Variants in CCDC88A observed in about 807,000 individuals in gnomAD.
The protein encoded by CCDC88A is coiled-coil and HOOK domain protein 88A.
A neutral mutation model predicts 234.3 loss-of-function variants in CCDC88A; 54 were observed. That is an observed-to-expected ratio of 0.23 (90% CI 0.19 to 0.29). The LOEUF (loss-of-function observed/expected upper bound fraction) is 0.29, where lower values mean the gene tolerates loss of function less well. CCDC88A is among the 10% of genes least tolerant of loss of function. The probability of loss-of-function intolerance (pLI) is 1.00; values close to 1 mark genes in which losing one functional copy is unlikely to be tolerated. For synonymous variants in CCDC88A, 753 were observed against 737.8 expected (o/e 1.02, Z -0.33); for missense variants, 1,832 against 2,123.4 (o/e 0.86, Z 2.70).
At chr2:55,333,200 T>C (rs915447164) in intron 15 of CCDC88A, among the ~76,000 whole-genome samples, 1 of 152,196 alleles carries the variant, frequency 6.6e-6, no homozygotes, top group African/African-American at 2.4e-5. Flanking sequence ...TCCCTCTCAA[T>C]GCTTCTTTAG....
chr2:55,374,894 A>G lies in CCDC88A; in HGVS notation c.274-11T>C. On this transcript the variant is annotated splice_polypyrimidine_tract_variant and intron_variant, in intron 3 of 32. Coordinates refer to ENST00000436346, the MANE Select transcript of CCDC88A (RefSeq NM_001365480.1). ...TTGCTGCAAAGTCTCCTGTAAAAAAATATCCAACACTTGTTATATGGGTAA... is the reference window on the plus strand; with the variant it reads ...TTGCTGCAAAGTCTCCTGTAAAAAAGTATCCAACACTTGTTATATGGGTAA... 6.4e-7 allele frequency: 1 copy of G among 1,574,750 alleles called. No individual in the cohort carries two copies. The highest frequency in any genetic ancestry group is 8.7e-7 in the Non-Finnish European group (1 of 1,145,708).
intron 22 of CCDC88A, chr2:55,313,984 AAAGAAGTGG>A (rs1558650420): frequency 6.6e-6 from 1 of 152,174 alleles, no homozygotes; most frequent in African/African-American, 2.4e-5. Flanking sequence ...CTTTTCCCGT[AAAGAAGTGG>A]AATCTATTTT....
chr2:55,294,195 T>C, intron 31 of CCDC88A: 1 of 855,500 alleles, frequency 1.2e-6, no homozygotes, highest in Non-Finnish European at 1.4e-6. Context: ...GGTTTATTTC[T>C]CTTTGACTCT....
intron 2 of CCDC88A, among the ~76,000 whole-genome samples, chr2:55,416,059 C>T (rs1032628811): frequency 2.0e-5 from 3 of 150,786 alleles, no homozygotes; most frequent in South Asian, 2.1e-4. Flanking sequence ...ATCAATCAAC[C>T]GAAACCAACC....
Position 55,309,647 on chromosome 2 carries a change from C to A in CCDC88A, c.4080-393G>T, listed in dbSNP as rs1558643581. 6.6e-6 allele frequency among the ~76,000 whole-genome samples: 1 copy of A among 152,114 alleles called. No individual in the cohort carries two copies. On this transcript the variant is annotated intron_variant, in intron 23 of 32. Coordinates refer to ENST00000436346, the MANE Select transcript of CCDC88A (RefSeq NM_001365480.1). This position sits in a 1 kb window ranked among gnomAD's most constrained non-coding sequence, Gnocchi z 5.1. ...GAACCATTTCCTGACTCCAGCAATG[C>A]ATGAGTCATCGCATCCTAGTCTCAT...
At chr2:55,341,772 T>C (rs1668541007) in intron 12 of CCDC88A, among the ~76,000 whole-genome samples, 1 of 152,166 alleles carries the variant, frequency 6.6e-6, no homozygotes, top group African/African-American at 2.4e-5. Context: ...GACTGACAAA[T>C]ATTCCATTAT....
chr2:55,326,644 C>T (rs2104659674), intron 17 of CCDC88A, among the ~76,000 whole-genome samples: 1 of 152,216 alleles, frequency 6.6e-6, no homozygotes, highest in East Asian at 1.9e-4. Context: ...CTCACTGCAA[C>T]CTCTACCTCC....
In CCDC88A at chr2:55,296,516, T is replaced by G. The variant is rs752220368; in HGVS notation, c.4833A>C (p.Ala1611=). ...NASLHEVKAG[A]VNNQSRPQSH... ...TTTGTGGCCTGCTTTGGTTATTAAC[T>G]GCACCTGCTTTTGGAGTAAATGGGG... The change falls in exon 30 of 33, where the codon GCA becomes GCC. Residue 1611 remains alanine (A), a synonymous_variant. Transcript: ENST00000436346. The G allele has an allele frequency of 2.5e-6, 4 of 1,613,498 alleles. No individual in the cohort carries two copies. The highest frequency in any genetic ancestry group is 2.5e-6 in the Non-Finnish European group (3 of 1,179,728).
In CCDC88A at chr2:55,289,365, A is replaced by T. The variant is rs956364468; in HGVS notation, c.*1835T>A. The stretch of plus-strand genomic sequence containing the variant: ...TATGTTTACTTTTATCCACCTAAAA[A>T]TGAATGTACATTTTTTGACATGCAA... On this transcript the variant is annotated 3_prime_UTR_variant, in exon 33 of 33. Coordinates refer to ENST00000436346, the MANE Select transcript of CCDC88A (RefSeq NM_001365480.1). 6.6e-6 allele frequency: 1 copy of T among 152,624 alleles called. No homozygotes were observed. Among genetic ancestry groups the T allele is most frequent in the African/African-American group, 2.4e-5 (1 of 41,454 alleles). 9.5% of individuals were successfully genotyped at this position (152,624 alleles called of 1,614,324 possible).
chr2:55,412,674 G>C (rs748272025), intron 2 of CCDC88A, among the ~76,000 whole-genome samples: 1 of 152,134 alleles, frequency 6.6e-6, no homozygotes, highest in Non-Finnish European at 1.5e-5. Context: ...AGTCCTTGCT[G>C]CCAAAAAGGT....
At chr2:55,298,869 G>A (rs1362275575) in intron 29 of CCDC88A, among the ~76,000 whole-genome samples, 4 of 53,836 alleles carry the variant, frequency 7.4e-5, no homozygotes, top group East Asian at 1.3e-3. Flanking sequence ...GCGAGAACCC[G>A]TCTCAAAAAA....
intron 2 of CCDC88A, among the ~76,000 whole-genome samples, chr2:55,398,823 C>G (rs1459077268): frequency 3.3e-5 from 5 of 151,326 alleles, no homozygotes; most frequent in Admixed American, 2.0e-4. Flanking sequence ...TGTGATTATA[C>G]CATCGCACTC....
chr2:55,343,900 T>G (rs1056934437), intron 11 of CCDC88A, 108 bp from the exon 12 acceptor site: 19 of 924,490 alleles, frequency 2.1e-5, no homozygotes, highest in Middle Eastern at 7.0e-4. Context: ...TCAGTAATAA[T>G]TATGAGTTCT....
intron 2 of CCDC88A, among the ~76,000 whole-genome samples, chr2:55,400,027 C>T (rs2104938573): frequency 6.6e-6 from 1 of 152,196 alleles, no homozygotes; most frequent in Admixed American, 6.5e-5. Context: ...CTCCAGAATG[C>T]TCTAAAAAGA....
intron 7 of CCDC88A, among the ~76,000 whole-genome samples, chr2:55,361,570 T>C (rs979288099): frequency 6.6e-6 from 1 of 152,332 alleles, no homozygotes; most frequent in Non-Finnish European, 1.5e-5. Context: ...CTCAAGAGTA[T>C]TGATACAAAT....
chr2:55,296,149 A>AAT, intron 30 of CCDC88A, 93 bp from the exon 31 acceptor site: 1 of 1,299,156 alleles, frequency 7.7e-7, no homozygotes, highest in Non-Finnish European at 1.0e-6. Context: ...AAATTGTGGT[A>AAT]CCTCTTAATA....
intron 3 of CCDC88A, among the ~76,000 whole-genome samples, chr2:55,381,901 A>T (rs1456570766): frequency 6.6e-6 from 1 of 152,198 alleles, no homozygotes; most frequent in East Asian, 1.9e-4. Context: ...CACAGAAATG[A>T]CAGTCCCTCT....
intron 2 of CCDC88A, among the ~76,000 whole-genome samples, chr2:55,415,602 A>G (rs2105003752): frequency 6.6e-6 from 1 of 152,324 alleles, no homozygotes; most frequent in Non-Finnish European, 1.5e-5. Context: ...GTCTGGAGAC[A>G]GCAAGGTAGC....
chr2:55,310,534 T>C (rs1682216071), intron 23 of CCDC88A, among the ~76,000 whole-genome samples: 1 of 152,064 alleles, frequency 6.6e-6, no homozygotes, highest in South Asian at 2.1e-4. Flanking sequence ...TGAGCTGAGA[T>C]TGTGCTACTG....
Sources: gnomAD v4.1 joint callset for allele counts (sites outside exome capture counted in the v4.1 genomes callset) on GRCh38, gnomAD v4.1.1 for gene constraint, Gnocchi (gnomAD v3.1) non-coding constraint, MANE v1.5 for transcripts, NCBI Gene and HGNC (gene_info 2026-07-23, HGNC 2026-07-21) for gene names.